Variants in POU2F3 observed in about 807,000 individuals in gnomAD.
The protein encoded by POU2F3 is POU domain, class 2, transcription factor 3.
In POU2F3, 23 loss-of-function variants were observed where a neutral mutation model predicts 59.2. The ratio of observed to expected loss-of-function variants is 0.39; its 90% CI spans 0.28 to 0.55. The LOEUF is 0.55. Among genes scored for constraint, POU2F3 ranks in the 20% least tolerant of loss-of-function variants. The probability of loss-of-function intolerance (pLI) is 0.66; values close to 1 mark genes in which losing one functional copy is unlikely to be tolerated. For missense variants in POU2F3, 473 were observed against 544.5 expected (o/e 0.87, Z 1.31); for synonymous variants, 190 against 214.6 (o/e 0.89, Z 1.00).
At chr11:120,243,729 C>A (rs1053819775) in intron 1 of POU2F3, among the ~76,000 whole-genome samples, 3 of 152,220 alleles carry the variant, frequency 2.0e-5, no homozygotes, top group African/African-American at 7.2e-5. Context: ...CCATCAGCCT[C>A]AGCCTCCTAC....
chr11:120,237,177 C>T (rs1050309485), upstream of POU2F3, among the ~76,000 whole-genome samples: 1 of 152,136 alleles, frequency 6.6e-6, no homozygotes, highest in African/African-American at 2.4e-5. Flanking sequence ...AATAATTGTA[C>T]CTTCCATCTA....
chr11:120,300,304 G>A lies in POU2F3; in HGVS notation c.361+578G>A, dbSNP rs186061642. 6.2e-4 allele frequency among the ~76,000 whole-genome samples: 94 copies of A among 152,292 alleles called. 3 individuals are homozygous for A. The highest frequency in any genetic ancestry group is 1.5e-5 in the Non-Finnish European group (1 of 68,022). ...CATGATGTGCCAGGAGCTCTTCTGA[G>A]TAATTTTTCTGACATTCCTCAAAAT... is the stretch of plus-strand genomic sequence containing the variant. On this transcript the variant is annotated intron_variant, in intron 5 of 12. Coordinates refer to ENST00000543440, the MANE Select transcript of POU2F3 (RefSeq NM_014352.4).
chr11:120,268,147 T>A (rs1322613633), intron 2 of POU2F3, among the ~76,000 whole-genome samples: 1 of 152,138 alleles, frequency 6.6e-6, no homozygotes, highest in Non-Finnish European at 1.5e-5. Context: ...GGAGAAATAT[T>A]TATGATGCTC....
At position 120,299,710 on chromosome 11, in the gene POU2F3, C is replaced by A; in HGVS notation, c.345C>A (p.Thr115=). 6.2e-7 allele frequency: 1 copy of A among 1,612,770 alleles called. No individual in the cohort carries two copies. Among genetic ancestry groups the A allele is most frequent in the Non-Finnish European group, 8.5e-7 (1 of 1,179,864 alleles). The change falls in exon 5 of 13, where the codon ACC becomes ACA. Residue 115 remains threonine, a synonymous_variant. Transcript: ENST00000543440. ...QSVSQFLLSQ[T]QPGQQGLQPN... is the part of the protein sequence containing the mutation. ...TATCCCAGTTCCTGCTATCTCAGAC[C>A]CAGCCTGGGCAGCAAGGTAAGAACC... is the stretch of plus-strand genomic sequence containing the variant.
chr11:120,246,687 C>T (rs973684975), intron 2 of POU2F3, among the ~76,000 whole-genome samples, 170 bp downstream of exon 2: 11 of 152,102 alleles, frequency 7.2e-5, no homozygotes, highest in African/African-American at 2.7e-4. Context: ...ATTCTGGAGC[C>T]TTTGAACAGT....
intron 2 of POU2F3, chr11:120,256,846 C>T (rs1939363089): frequency 6.6e-6 from 1 of 152,240 alleles, no homozygotes; most frequent in Admixed American, 6.5e-5. Flanking sequence ...GCAGCAACTT[C>T]ATATGAGGTT....
At chr11:120,242,454 T>C (rs950158729) in intron 1 of POU2F3, among the ~76,000 whole-genome samples, 1 of 152,210 alleles carries the variant, frequency 6.6e-6, no homozygotes, top group African/African-American at 2.4e-5. Flanking sequence ...TTTGGAAATG[T>C]GGTCTCTTTT....
chr11:120,265,895 CTT>C (rs1440427267), intron 2 of POU2F3: 3 of 152,298 alleles, frequency 2.0e-5, no homozygotes, highest in Admixed American at 1.3e-4. Flanking sequence ...CCTGCCCACT[CTT>C]TCTCAGTCTC....
upstream of POU2F3, among the ~76,000 whole-genome samples, chr11:120,237,178 C>A (rs1049121040): frequency 4.6e-5 from 7 of 152,190 alleles, no homozygotes; most frequent in Admixed American, 1.3e-4. Flanking sequence ...ATAATTGTAC[C>A]TTCCATCTAA....
chr11:120,274,178 C>T (rs1047722321), intron 3 of POU2F3, among the ~76,000 whole-genome samples: 15 of 151,854 alleles, frequency 9.9e-5, no homozygotes, highest in Admixed American at 3.9e-4. Context: ...AACATAGAGC[C>T]TGGCTGCCTG....
chr11:120,242,216 T>G (rs1203892104), intron 1 of POU2F3, among the ~76,000 whole-genome samples: 1 of 152,188 alleles, frequency 6.6e-6, no homozygotes, highest in African/African-American at 2.4e-5. Context: ...CAGTGGCACC[T>G]CCAGAGGTCT....
intron 12 of POU2F3, among the ~76,000 whole-genome samples, 154 bp downstream of exon 12, chr11:120,317,518 A>G (rs1476054107): frequency 2.6e-5 from 4 of 152,216 alleles, no homozygotes; most frequent in Non-Finnish European, 5.9e-5. Context: ...GCCAGACTGG[A>G]CTTTATCCCT....
At chr11:120,263,033 C>T (rs2043514383) in intron 2 of POU2F3, among the ~76,000 whole-genome samples, 1 of 150,372 alleles carries the variant, frequency 6.7e-6, no homozygotes, top group Non-Finnish European at 1.5e-5. Flanking sequence ...ACTCTGTTGC[C>T]CAGGCTGCAG....
At chr11:120,300,091 G>T (rs1187799294) in intron 5 of POU2F3, among the ~76,000 whole-genome samples, 2 of 152,136 alleles carry the variant, frequency 1.3e-5, no homozygotes, top group African/African-American at 4.8e-5. Flanking sequence ...AATCTCTCCT[G>T]GACACAGATT....
In POU2F3 at chr11:120,278,175, T is replaced by C. The variant is rs181991706; in HGVS notation, c.132+8931T>C. Among the ~76,000 whole-genome samples the C allele has an allele frequency of 3.7e-4, 56 of 152,348 alleles. No homozygotes were observed. In the South Asian group the frequency reaches 6.5e-3, roughly 18 times the overall value. ...GTTGGGTTTTGGGCTTATATGATTA[T>C]AGTCAGGCTGTTCACCGACACAGAT... On this transcript the variant is annotated intron_variant, in intron 3 of 12. Transcript: ENST00000543440.
chr11:120,277,109 CA>C (rs1443959950), intron 3 of POU2F3, among the ~76,000 whole-genome samples: 1 of 151,474 alleles, frequency 6.6e-6, no homozygotes, highest in Non-Finnish European at 1.5e-5. Context: ...ATACAAAATA[CA>C]AAAAAATTAG....
chr11:120,306,814 G>A (rs965571360), intron 8 of POU2F3, among the ~76,000 whole-genome samples: 3 of 152,192 alleles, frequency 2.0e-5, no homozygotes, highest in Non-Finnish European at 2.9e-5. Context: ...CCCCCTACAG[G>A]CTGTCCCTTA....
intron 8 of POU2F3, among the ~76,000 whole-genome samples, chr11:120,306,983 G>C (rs563550297): frequency 5.9e-5 from 9 of 152,190 alleles, no homozygotes; most frequent in Non-Finnish European, 1.0e-4. Context: ...TCAAACATTT[G>C]CACTGGCAGG....
intron 2 of POU2F3, among the ~76,000 whole-genome samples, chr11:120,252,269 C>T (rs1264594891): frequency 2.1e-5 from 3 of 145,426 alleles, no homozygotes; most frequent in Non-Finnish European, 4.5e-5. Flanking sequence ...TGTAATGGCA[C>T]GATCTTGGCT....
Sources: gnomAD v4.1 joint callset for allele counts (sites outside exome capture counted in the v4.1 genomes callset) on GRCh38, gnomAD v4.1.1 for gene constraint, MANE v1.5 for transcripts, NCBI Gene and HGNC (gene_info 2026-07-23, HGNC 2026-07-21) for gene names.